The following DPP6 variants were observed in gnomAD, a reference collection of about 807,000 sequenced individuals.
DPP6 encodes the protein dipeptidyl peptidase like 6.
DPP6 carries 69 observed loss-of-function variants against 122.6 expected under a neutral mutation model. The ratio of observed to expected loss-of-function variants is 0.56; its 90% CI spans 0.46 to 0.69. DPP6 has a LOEUF of 0.69. DPP6 is among the 30% of genes least tolerant of loss of function. The pLI, the probability that DPP6 is intolerant of heterozygous loss-of-function variation, is 0.00. For missense variants in DPP6, 928 were observed against 1,116.9 expected, an observed-to-expected ratio of 0.83 and a Z score of 2.41; for synonymous variants, 418 against 433.1, an observed-to-expected ratio of 0.97 and a Z score of 0.43.
rs561072834 is a variant in DPP6, at chr7:154,892,285, C to T, written c.2452-49C>T. On this transcript the variant is annotated intron_variant, in intron 25 of 25. Coordinates refer to ENST00000377770, the MANE Select transcript of DPP6 (RefSeq NM_130797.4). ...CACACCTTCTGTGCGTTCCCGTCCC[C>T]TGGGGAGCGTATACCTGGGAGAGTA... 8 of 1,613,294 alleles carry T rather than the reference C, an allele frequency of 5.0e-6. No individual in the cohort carries two copies. In the Admixed American group the frequency reaches 1.2e-4, roughly 24 times the overall value.
chr7:154,128,328 C>T (rs1808086859), intron 1 of DPP6, among the ~76,000 whole-genome samples: 1 of 152,094 alleles, frequency 6.6e-6, no homozygotes, highest in Non-Finnish European at 1.5e-5. Context: ...ATCTGTAATC[C>T]CAGCACTTGG....
At chr7:154,772,601 G>A (rs1431013179) in intron 9 of DPP6, among the ~76,000 whole-genome samples, 1 of 152,088 alleles carries the variant, frequency 6.6e-6, no homozygotes, top group Non-Finnish European at 1.5e-5. Context: ...GCCAAACCGG[G>A]GAGTTGGGTG....
chr7:154,184,681 G>A (rs1233183868), intron 1 of DPP6, among the ~76,000 whole-genome samples: 1 of 148,104 alleles, frequency 6.8e-6, no homozygotes, highest in Non-Finnish European at 1.5e-5. Flanking sequence ...TTTAATTTCT[G>A]GAAAAAAAAA....
At chr7:154,608,341 A>ATTTT (rs1554598275) in intron 5 of DPP6, among the ~76,000 whole-genome samples, 64 of 123,258 alleles carry the variant, frequency 5.2e-4, no homozygotes, top group African/African-American at 1.7e-3. Flanking sequence ...ATATATATAT[A>ATTTT]TTTTGAGATG....
intron 4 of DPP6, among the ~76,000 whole-genome samples, chr7:154,560,238 A>G (rs1050354900): frequency 6.6e-6 from 1 of 152,110 alleles, no homozygotes; most frequent in Non-Finnish European, 1.5e-5. Context: ...CTTTTCTCAA[A>G]GGGTCCTTTA....
At chr7:154,229,756 A>C (rs182776532) in intron 1 of DPP6, among the ~76,000 whole-genome samples, 9 of 152,210 alleles carry the variant, frequency 5.9e-5, no homozygotes, top group African/African-American at 2.2e-4. Flanking sequence ...TTTTATCAGA[A>C]TTCATGTTGC....
At position 154,360,926 on chromosome 7, in the gene DPP6, G is replaced by A. The variant is rs138949437; in HGVS notation, c.244-85288G>A. ...AGATGCTGGATTCCGGGGGCTAATGGCCTACGAGAAGATTTGAGTGTTGAG... is the reference window on the plus strand; with the variant it reads ...AGATGCTGGATTCCGGGGGCTAATGACCTACGAGAAGATTTGAGTGTTGAG... On this transcript the variant is annotated intron_variant, in intron 1 of 25. Coordinates refer to ENST00000377770, the MANE Select transcript of DPP6 (RefSeq NM_130797.4). 5.9e-3 allele frequency among the ~76,000 whole-genome samples: 891 copies of A among 152,234 alleles called. 21 individuals are homozygous for A. Among genetic ancestry groups the A allele is most frequent in the East Asian group, 0.052 (268 of 5,170 alleles).
At chr7:154,806,923 G>C in intron 15 of DPP6, 71 bp from the exon 16 acceptor site, 1 of 1,575,706 alleles carries the variant, frequency 6.3e-7, no homozygotes, top group Non-Finnish European at 8.6e-7. Flanking sequence ...GAGCCCACCA[G>C]CTTGCGGCAC....
intron 1 of DPP6, among the ~76,000 whole-genome samples, chr7:154,124,587 G>A (rs1316066358): frequency 6.6e-6 from 1 of 152,160 alleles, no homozygotes. Context: ...AGCAGTAAAT[G>A]GTTTCAAAAA....
chr7:154,447,438 C>T (rs1819978773), intron 2 of DPP6, among the ~76,000 whole-genome samples: 1 of 151,954 alleles, frequency 6.6e-6, no homozygotes, highest in Non-Finnish European at 1.5e-5. Context: ...AGTTTTAATT[C>T]TCAGTAAATA....
At chr7:154,259,526 A>T (rs1330930008) in intron 1 of DPP6, among the ~76,000 whole-genome samples, 1 of 152,168 alleles carries the variant, frequency 6.6e-6, no homozygotes, top group Non-Finnish European at 1.5e-5. Context: ...TTGTGATGGG[A>T]GAAAAGAGAG....
rs548053204 is a variant in DPP6, at chr7:154,433,136, G to GTTTTTTTTTTTTTTT, written c.244-13065_244-13051dup. ...TAATGGCTCTCATACTAGACTGCAA[G>GTTTTTTTTTTTTTTT]TTTTTTTTTTTTTTTTTTTTTTTTT... On this transcript the variant is annotated intron_variant, in intron 1 of 25. Coordinates refer to ENST00000377770, the MANE Select transcript of DPP6 (RefSeq NM_130797.4). 1.8e-4 allele frequency among the ~76,000 whole-genome samples: 13 copies of GTTTTTTTTTTTTTTT among 72,348 alleles called. 1 individual carries two copies. The highest frequency in any genetic ancestry group is 6.5e-4 in the African/African-American group (11 of 16,826). The allele number at this position is 72,348 out of a possible 152,430, so 47.5% of individuals were successfully genotyped here.
intron 1 of DPP6, among the ~76,000 whole-genome samples, chr7:154,258,698 T>C (rs1802814864): frequency 6.6e-6 from 1 of 152,188 alleles, no homozygotes; most frequent in African/African-American, 2.4e-5. Context: ...CAGGGGTGCA[T>C]AGTTAAGAAA....
chr7:154,761,209 G>T (rs1005889616), intron 8 of DPP6, among the ~76,000 whole-genome samples: 8 of 152,200 alleles, frequency 5.3e-5, no homozygotes, highest in African/African-American at 1.9e-4. Context: ...TCTATAAACT[G>T]GGCATAGCTC....
chr7:153,897,119 T>C (rs964008534), intron 1 of DPP6, among the ~76,000 whole-genome samples: 2 of 152,228 alleles, frequency 1.3e-5, no homozygotes, highest in African/African-American at 4.8e-5. Context: ...GAACAACCCA[T>C]TGTGTTGGAA....
intron 2 of DPP6, among the ~76,000 whole-genome samples, chr7:154,459,774 C>G (rs1821116634): frequency 7.1e-6 from 1 of 140,924 alleles, no homozygotes; most frequent in Admixed American, 7.2e-5. Context: ...CCACTGCACT[C>G]CAGCCTGGGT....
intron 1 of DPP6, among the ~76,000 whole-genome samples, chr7:154,011,284 A>G (rs1205715333): frequency 3.9e-5 from 6 of 152,210 alleles, no homozygotes; most frequent in Admixed American, 1.3e-4. Context: ...AGCAATGAAA[A>G]ATGATTGCAT....
At chr7:153,999,748 C>G (rs1797600952) in intron 1 of DPP6, among the ~76,000 whole-genome samples, 1 of 152,158 alleles carries the variant, frequency 6.6e-6, no homozygotes, top group African/African-American at 2.4e-5. Flanking sequence ...CGCCTGAGCT[C>G]AAGAGTTTGA....
intron 1 of DPP6, among the ~76,000 whole-genome samples, chr7:154,325,363 C>A (rs1276098952): frequency 6.6e-6 from 1 of 152,162 alleles, no homozygotes; most frequent in African/African-American, 2.4e-5. Context: ...TCTGGGAACC[C>A]CTTAATGACA....
Sources: gnomAD v4.1 joint callset for allele counts (sites outside exome capture counted in the v4.1 genomes callset) on GRCh38, gnomAD v4.1.1 for gene constraint, MANE v1.5 for transcripts, NCBI Gene and HGNC (gene_info 2026-07-23, HGNC 2026-07-21) for gene names.